The following ATRN variants were observed in gnomAD, a reference collection of about 807,000 sequenced individuals.
ATRN encodes attractin, also known as attractin-2.
In ATRN, 54 loss-of-function variants were observed where a neutral mutation model predicts 178.7. The observed-to-expected ratio is 0.30, with a 90% CI of 0.24 to 0.38. ATRN has a LOEUF of 0.38. ATRN is among the 10% of genes least tolerant of loss of function. The pLI is 1.00. For missense variants in ATRN, 1,443 were observed against 1,815.1 expected (o/e 0.79, Z 3.73); for synonymous variants, 636 against 663.0 (o/e 0.96, Z 0.63).
intron 6 of ATRN, among the ~76,000 whole-genome samples, chr20:3,551,425 C>A (rs980595236): frequency 6.6e-6 from 1 of 152,162 alleles, no homozygotes; most frequent in Non-Finnish European, 1.5e-5. Flanking sequence ...TCAACTGAGA[C>A]CACCTTTTTA....
chr20:3,622,017 A>G (rs150472420), intron 24 of ATRN, among the ~76,000 whole-genome samples: 254 of 152,358 alleles, frequency 1.7e-3, no homozygotes, highest in African/African-American at 5.8e-3. Context: ...GATAAGGGGA[A>G]GTCTCTGTCT....
At chr20:3,644,384 C>G (rs2087091807) in intron 28 of ATRN, 116 bp downstream of exon 28, 1 of 849,900 alleles carries the variant, frequency 1.2e-6, no homozygotes, top group East Asian at 2.7e-5. Flanking sequence ...CAGTGCCTGC[C>G]CATGCCATGG....
At position 3,524,767 on chromosome 20, in the gene ATRN, C is replaced by T. The variant is rs149056714; in HGVS notation, c.411-10486C>T. ...CAGGATTAAGAAACTCAGAACTGCA[C>T]AACTACATGGAAACTGAACAACCTT... On this transcript the variant is annotated intron_variant, in intron 1 of 28. Coordinates refer to ENST00000262919, the MANE Select transcript of ATRN (RefSeq NM_139321.3). 2.4e-3 allele frequency among the ~76,000 whole-genome samples: 370 copies of T among 152,288 alleles called. 2 individuals carry two copies. The highest frequency in any genetic ancestry group is 8.3e-3 in the African/African-American group (345 of 41,560).
At chr20:3,590,933 A>G (rs1024440599) in intron 18 of ATRN, among the ~76,000 whole-genome samples, 2 of 152,208 alleles carry the variant, frequency 1.3e-5, no homozygotes, top group African/African-American at 2.4e-5. Context: ...ACAACAAAAA[A>G]TATTTTTTAA....
Position 3,607,853 on chromosome 20 carries a change from G to A in ATRN, c.3801+3591G>A, listed in dbSNP as rs575770685. On this transcript the variant is annotated intron_variant, in intron 24 of 28. Transcript: ENST00000262919. ...TTCCCACCAGCAGTGAACTAGTATC[G>A]TCTTTCTCTGTATCCTCGCCAGCAT... Among the ~76,000 whole-genome samples the A allele has an allele frequency of 2.7e-4, 41 of 152,162 alleles. No homozygotes were observed. In the South Asian group the frequency reaches 4.8e-3, roughly 18 times the overall value.
In ATRN at chr20:3,646,964, C is replaced by A. The variant is rs781449683; in HGVS notation, c.*117C>A. 11 of 1,326,142 alleles carry A rather than the reference C, an allele frequency of 8.3e-6. No individual in the cohort carries two copies. The highest frequency in any genetic ancestry group is 1.1e-5 in the Non-Finnish European group (11 of 997,934). The allele number at this position is 1,326,142 out of a possible 1,614,324, so 82.1% of individuals were successfully genotyped here. A position where few individuals can be genotyped will look rare whatever the true frequency, so the allele number is the denominator to read the frequency against. ...GGTGCGGGACGGAAGACTGGAAACC[C>A]TCAAAGCATCTGACTCACCTGCATG... On this transcript the variant is annotated 3_prime_UTR_variant, in exon 29 of 29. Coordinates refer to ENST00000262919, the MANE Select transcript of ATRN (RefSeq NM_139321.3).
At chr20:3,517,278 T>C (rs2085218601) in intron 1 of ATRN, among the ~76,000 whole-genome samples, 1 of 152,066 alleles carries the variant, frequency 6.6e-6, no homozygotes. Context: ...AGGTTACATA[T>C]AATATGTACA....
intron 21 of ATRN, among the ~76,000 whole-genome samples, chr20:3,596,673 G>A (rs1022914541): frequency 2.0e-5 from 3 of 151,618 alleles, no homozygotes; most frequent in Admixed American, 6.6e-5. Context: ...AGAGTAGAGA[G>A]GCATGCATCT....
At chr20:3,498,772 C>A (rs1202144652) in intron 1 of ATRN, among the ~76,000 whole-genome samples, 1 of 149,950 alleles carries the variant, frequency 6.7e-6, no homozygotes, top group Non-Finnish European at 1.5e-5. Context: ...AAAACTGGCA[C>A]AAGTCAGGGA....
chr20:3,489,806 A>C, intron 1 of ATRN: 1 of 1,266,548 alleles, frequency 7.9e-7, no homozygotes, highest in South Asian at 1.2e-5. Context: ...AGTTTCCACA[A>C]ATCTCACAGT....
intron 1 of ATRN, among the ~76,000 whole-genome samples, chr20:3,500,600 A>G (rs2084947841): frequency 6.7e-6 from 1 of 149,326 alleles, no homozygotes; most frequent in East Asian, 2.0e-4. Flanking sequence ...AAAACCAAAC[A>G]CTGCATATTC....
chr20:3,575,833 A>G lies in ATRN; in HGVS notation c.2099A>G (p.Asp700Gly). 2 of 1,609,626 alleles carry G rather than the reference A, an allele frequency of 1.2e-6. No homozygotes were observed. Among genetic ancestry groups the G allele is most frequent in the Non-Finnish European group, 1.7e-6 (2 of 1,177,814 alleles). The change falls in exon 13 of 29, where the codon GAC (aspartate) becomes GGC (glycine). Residue 700 changes from aspartate (D) to glycine (G), a missense_variant. Around this residue, in one of 4 missense-constraint regions of ATRN, gnomAD observed 862 missense variants for 972.1 expected, o/e 0.89. Coordinates refer to ENST00000262919, the MANE Select transcript of ATRN (RefSeq NM_139321.3). ...KSECFSKRTLDHDRCDQHTDC... is the reference protein window; with the variant it reads ...KSECFSKRTLGHDRCDQHTDC... ...GATTTTGTTTTCTTTGCAGCTCTTG[A>G]CCATGACAGATGTGACCAGCACACA...
chr20:3,586,821 A>G (rs920910784), intron 18 of ATRN, among the ~76,000 whole-genome samples: 2 of 151,516 alleles, frequency 1.3e-5, no homozygotes, highest in Admixed American at 6.6e-5. Flanking sequence ...TAGGCATGAG[A>G]TTTTGTAGAG....
chr20:3,554,798 T>C (rs1329368414), intron 6 of ATRN, among the ~76,000 whole-genome samples: 1 of 152,110 alleles, frequency 6.6e-6, no homozygotes, highest in Non-Finnish European at 1.5e-5. Flanking sequence ...TAAGTGGTCT[T>C]GGTCCCCTGG....
intron 1 of ATRN, among the ~76,000 whole-genome samples, chr20:3,472,403 A>G (rs2084444069): frequency 6.6e-6 from 1 of 152,192 alleles, no homozygotes; most frequent in Admixed American, 6.5e-5. Flanking sequence ...CACGCCTTTG[A>G]CAGGTATTTA....
chr20:3,574,739 A>C (rs1485593727), intron 12 of ATRN, among the ~76,000 whole-genome samples: 4 of 152,164 alleles, frequency 2.6e-5, no homozygotes, highest in African/African-American at 9.7e-5. Context: ...ATATCAACCC[A>C]TTTGCTGTCA....
intron 18 of ATRN, among the ~76,000 whole-genome samples, chr20:3,586,354 C>T (rs538185913): frequency 1.3e-5 from 2 of 152,110 alleles, no homozygotes; most frequent in Non-Finnish European, 2.9e-5. Context: ...TTGCATGATG[C>T]CATTTATATG....
At chr20:3,556,911 C>T (rs1233263377) in intron 6 of ATRN, among the ~76,000 whole-genome samples, 1 of 152,136 alleles carries the variant, frequency 6.6e-6, no homozygotes, top group Non-Finnish European at 1.5e-5. Flanking sequence ...AGCTCTTGGT[C>T]TGACTTGTTG....
At chr20:3,637,327 C>G (rs1438423806) in intron 26 of ATRN, among the ~76,000 whole-genome samples, 1 of 152,146 alleles carries the variant, frequency 6.6e-6, no homozygotes, top group Non-Finnish European at 1.5e-5. Context: ...CACACCAGCC[C>G]CGGTTTTAAG....
Sources: gnomAD v4.1 joint callset for allele counts (sites outside exome capture counted in the v4.1 genomes callset) on GRCh38, gnomAD v4.1.1 for gene constraint, gnomAD v4.1.1 regional missense constraint, MANE v1.5 for transcripts, NCBI Gene and HGNC (gene_info 2026-07-23, HGNC 2026-07-21) for gene names.